SH3PXD2B: variants seen among roughly 807,000 people sequenced by gnomAD.
SH3PXD2B encodes SH3 and PX domain-containing protein 2B.
Under a neutral mutation model 73.1 loss-of-function variants are expected in SH3PXD2B, and 37 were observed. The observed-to-expected ratio is 0.51, with a 90% CI of 0.39 to 0.67. The LOEUF (loss-of-function observed/expected upper bound fraction) is 0.67. Among genes scored for constraint, SH3PXD2B ranks in the 30% least tolerant of loss-of-function variants. The pLI is 0.00. For missense variants in SH3PXD2B, 1,053 were observed against 1,197.8 expected (o/e 0.88, Z 1.78); for synonymous variants, 457 against 480.5 (o/e 0.95, Z 0.64).
Position 172,335,491 on chromosome 5 carries a change from C to T in SH3PXD2B, c.*2878G>A, listed in dbSNP as rs1045425340. 4 of 1,231,456 alleles carry T rather than the reference C, an allele frequency of 3.2e-6. No individual in the cohort carries two copies. Among genetic ancestry groups the T allele is most frequent in the Non-Finnish European group, 4.0e-6 (4 of 987,912 alleles). The allele number at this position is 1,231,456 out of a possible 1,614,324, so 76.3% of individuals were successfully genotyped here. On this transcript the variant is annotated 3_prime_UTR_variant, in exon 13 of 13. Coordinates refer to ENST00000311601, the MANE Select transcript of SH3PXD2B (RefSeq NM_001017995.3). Reference sequence around the variant, plus strand: ...GTCCCAGCTTGGCCACTATTTGGACCTTCTCCCTCTGAACCTTAATTTTCT... The same window carrying T: ...GTCCCAGCTTGGCCACTATTTGGACTTTCTCCCTCTGAACCTTAATTTTCT...
At chr5:172,404,685 T>C (rs1218453355) in intron 3 of SH3PXD2B, among the ~76,000 whole-genome samples, 2 of 152,230 alleles carry the variant, frequency 1.3e-5, no homozygotes, top group African/African-American at 4.8e-5. Context: ...AAAATCATCA[T>C]AGTAAGTGCT....
At chr5:172,347,396 G>A in intron 10 of SH3PXD2B, 64 bp from the exon 11 acceptor site, 1 of 1,560,282 alleles carries the variant, frequency 6.4e-7, no homozygotes, top group Non-Finnish European at 8.8e-7. Flanking sequence ...CTGGGTGCCA[G>A]GTCGGGTCTA....
At chr5:172,352,583 G>C (rs1032750625) in intron 9 of SH3PXD2B, among the ~76,000 whole-genome samples, 1 of 152,158 alleles carries the variant, frequency 6.6e-6, no homozygotes, top group Non-Finnish European at 1.5e-5. Flanking sequence ...GACTTGAATT[G>C]TATCTCCCAG....
intron 9 of SH3PXD2B, among the ~76,000 whole-genome samples, chr5:172,352,064 G>A (rs953181592): frequency 9.2e-5 from 14 of 152,172 alleles, no homozygotes; most frequent in Non-Finnish European, 1.9e-4. Flanking sequence ...TGAGATGACT[G>A]CAGCCCTTAC....
chr5:172,391,077 G>A (rs1758180463), intron 4 of SH3PXD2B, among the ~76,000 whole-genome samples: 1 of 151,990 alleles, frequency 6.6e-6, no homozygotes. Flanking sequence ...CCGACCTCAG[G>A]TGATCCACCC....
chr5:172,358,226 G>A (rs1189215941), intron 8 of SH3PXD2B, among the ~76,000 whole-genome samples: 1 of 152,204 alleles, frequency 6.6e-6, no homozygotes, highest in Non-Finnish European at 1.5e-5. Context: ...TTCTAGCGGG[G>A]AAAGGGAGTT....
intron 5 of SH3PXD2B, 109 bp downstream of exon 5, chr5:172,381,925 TCA>T: frequency 1.3e-6 from 1 of 759,432 alleles, no homozygotes. Flanking sequence ...TCACAGGGGC[TCA>T]GCCGACGAAA....
rs369052190 is a variant in SH3PXD2B, at chr5:172,338,202, C to T, written c.*167G>A. On this transcript the variant is annotated 3_prime_UTR_variant, in exon 13 of 13. Coordinates refer to ENST00000311601, the MANE Select transcript of SH3PXD2B (RefSeq NM_001017995.3). The surrounding 1 kb of genome is among the most constrained non-coding windows in gnomAD (Gnocchi z 5.1). ...AGGAGGGATCAGGCCCAGGGGCGCC[C>T]GAGGTGTCCGAAACTCACTCTCCAC... 1.1e-5 allele frequency: 16 copies of T among 1,509,148 alleles called. No homozygotes were observed. The East Asian group carries it at 1.2e-4, about 12-fold the overall frequency. 93.5% of individuals were successfully genotyped at this position (1,509,148 alleles called of 1,614,324 possible). A position where few individuals can be genotyped will look rare whatever the true frequency, so the allele number is the denominator to read the frequency against.
rs886060417 is a variant in SH3PXD2B, at chr5:172,337,508, G to C, written c.*861C>G. The C allele has an allele frequency of 1.0e-6, 1 of 985,340 alleles. No homozygotes were observed. The highest frequency in any genetic ancestry group is 1.7e-5 in the African/African-American group (1 of 57,242). 61.0% of individuals were successfully genotyped at this position (985,340 alleles called of 1,614,324 possible). On this transcript the variant is annotated 3_prime_UTR_variant, in exon 13 of 13. Transcript: ENST00000311601. ...TGGCACCCACGAGGCACTCAGCAAA[G>C]GGGTGCTCACAAGGGCACGACTTGT...
At chr5:172,376,290 A>C (rs1249814147) in intron 5 of SH3PXD2B, among the ~76,000 whole-genome samples, 3 of 151,918 alleles carry the variant, frequency 2.0e-5, no homozygotes, top group Admixed American at 2.0e-4. Flanking sequence ...TGGCCTCTCA[A>C]ACTGCTGGGA....
intron 1 of SH3PXD2B, among the ~76,000 whole-genome samples, chr5:172,443,214 C>T (rs1343086868): frequency 6.6e-6 from 1 of 152,170 alleles, no homozygotes; most frequent in African/African-American, 2.4e-5. Context: ...TCCAGGCATC[C>T]ACGCAACGAC....
chr5:172,423,679 T>C (rs937311070), intron 1 of SH3PXD2B, among the ~76,000 whole-genome samples: 1 of 151,604 alleles, frequency 6.6e-6, no homozygotes, highest in Non-Finnish European at 1.5e-5. Flanking sequence ...GGAGAGGGAG[T>C]CTAGCTCTGT....
chr5:172,349,315 A>G (rs1757102238), intron 10 of SH3PXD2B, among the ~76,000 whole-genome samples: 1 of 152,212 alleles, frequency 6.6e-6, no homozygotes, highest in Non-Finnish European at 1.5e-5. Flanking sequence ...TCCTTTCTCA[A>G]CAGAGTTCAC....
chr5:172,332,959 C>T (rs1397426510), downstream of SH3PXD2B, among the ~76,000 whole-genome samples: 2 of 147,150 alleles, frequency 1.4e-5, no homozygotes, highest in African/African-American at 2.5e-5. Context: ...TTTTTGAGAC[C>T]GAGTCTCACT....
At chr5:172,385,597 A>C (rs1758043604) in intron 4 of SH3PXD2B, among the ~76,000 whole-genome samples, 1 of 152,150 alleles carries the variant, frequency 6.6e-6, no homozygotes, top group African/African-American at 2.4e-5. Flanking sequence ...CTGCTAGAGG[A>C]GACTTGGGTG....
chr5:172,452,897 C>T (rs1440416274), intron 1 of SH3PXD2B, among the ~76,000 whole-genome samples: 1 of 152,110 alleles, frequency 6.6e-6, no homozygotes, highest in East Asian at 1.9e-4. Flanking sequence ...GCTCTGGAAT[C>T]AAGGGAAACT....
chr5:172,354,110 A>C, intron 8 of SH3PXD2B, 105 bp from the exon 9 acceptor site: 1 of 1,140,876 alleles, frequency 8.8e-7, no homozygotes. Context: ...TTTCCTTCAG[A>C]GATTTCTGGG....
intron 2 of SH3PXD2B, among the ~76,000 whole-genome samples, chr5:172,416,696 CTTTTTTTTTTTT>C (rs202242720): frequency 3.8e-3 from 236 of 62,252 alleles, no homozygotes; most frequent in African/African-American, 0.011. Context: ...CTCTCTCTCT[CTTTTTTTTTTTT>C]TTTTTTTTTT....
intron 10 of SH3PXD2B, among the ~76,000 whole-genome samples, chr5:172,349,718 T>C (rs1757115661): frequency 6.6e-6 from 1 of 151,932 alleles, no homozygotes; most frequent in African/African-American, 2.4e-5. Flanking sequence ...CCCTCAAAGG[T>C]AGTTATGAGG....
Sources: gnomAD v4.1 joint callset for allele counts (sites outside exome capture counted in the v4.1 genomes callset) on GRCh38, gnomAD v4.1.1 for gene constraint, Gnocchi (gnomAD v3.1) non-coding constraint, MANE v1.5 for transcripts, NCBI Gene and HGNC (gene_info 2026-07-23, HGNC 2026-07-21) for gene names.